ACAD11: variants seen among roughly 807,000 people sequenced by gnomAD.
ACAD11 encodes the protein acyl-Coenzyme A dehydrogenase family, member 11.
A neutral mutation model predicts 102.2 loss-of-function variants in ACAD11; 83 were observed. The observed-to-expected ratio is 0.81, with a 90% CI of 0.68 to 0.97. The LOEUF is 0.97. ACAD11 is among the 50% of genes least tolerant of loss of function. The pLI, the probability that ACAD11 is intolerant of heterozygous loss-of-function variation, is 0.00. For synonymous variants in ACAD11, 324 were observed against 319.8 expected (o/e 1.01, Z -0.14); for missense variants, 901 against 951.7 (o/e 0.95, Z 0.70).
intron 1 of ACAD11, chr3:132,645,909 C>T (rs2107891773): frequency 6.6e-6 from 1 of 152,316 alleles, no homozygotes; most frequent in Middle Eastern, 3.4e-3. Flanking sequence ...AATAGGACCA[C>T]CACAGGCTAT....
At chr3:132,577,660 C>G (rs1219741368) in intron 15 of ACAD11, among the ~76,000 whole-genome samples, 1 of 152,128 alleles carries the variant, frequency 6.6e-6, no homozygotes, top group Non-Finnish European at 1.5e-5. Flanking sequence ...TTCTCCCTGC[C>G]AAGTTTTAGA....
intron 5 of ACAD11, among the ~76,000 whole-genome samples, chr3:132,634,386 C>T (rs1371828306): frequency 3.3e-5 from 5 of 152,028 alleles, no homozygotes; most frequent in South Asian, 4.1e-4. Flanking sequence ...GAATGGCGAT[C>T]ATTAAAAAGT....
chr3:132,656,243 G>A (rs1357655893), intron 1 of ACAD11, among the ~76,000 whole-genome samples: 1 of 152,078 alleles, frequency 6.6e-6, no homozygotes, highest in East Asian at 1.9e-4. Context: ...TAGACATTGT[G>A]TTGTTTCCTG....
At chr3:132,575,494 T>C (rs1295977792) in intron 17 of ACAD11, among the ~76,000 whole-genome samples, 1 of 152,196 alleles carries the variant, frequency 6.6e-6, no homozygotes, top group Non-Finnish European at 1.5e-5. Context: ...GGAGCTCTAA[T>C]GTTCCAGGTT....
intron 1 of ACAD11, among the ~76,000 whole-genome samples, chr3:132,652,946 C>CA (rs1348043986): frequency 6.6e-6 from 1 of 152,148 alleles, no homozygotes; most frequent in East Asian, 1.9e-4. Context: ...TCAGGTACTA[C>CA]AACAGTAAGA....
intron 1 of ACAD11, among the ~76,000 whole-genome samples, chr3:132,659,151 C>T (rs538827766): frequency 6.6e-6 from 1 of 152,302 alleles, no homozygotes; most frequent in Non-Finnish European, 1.5e-5. Context: ...CTGTGACCTC[C>T]TAAGTGGAAA....
At chr3:132,647,961 A>ACACTAATC (rs1174985965) in intron 1 of ACAD11, among the ~76,000 whole-genome samples, 1 of 152,086 alleles carries the variant, frequency 6.6e-6, no homozygotes, top group Non-Finnish European at 1.5e-5. Context: ...CTCTTTTATA[A>ACACTAATC]CACTAATCCC....
intron 1 of ACAD11, among the ~76,000 whole-genome samples, chr3:132,653,622 C>T (rs547638288): frequency 5.4e-5 from 8 of 148,798 alleles, no homozygotes; most frequent in African/African-American, 1.5e-4. Flanking sequence ...TATTTCCTTT[C>T]GTAGAAAAAC....
chr3:132,632,552 G>C (rs1940091687), intron 5 of ACAD11, among the ~76,000 whole-genome samples: 2 of 152,160 alleles, frequency 1.3e-5, no homozygotes, highest in Admixed American at 6.5e-5. Context: ...AATTGACTTG[G>C]CAATGCGGGC....
At chr3:132,571,328 T>C (rs1431736027) in intron 17 of ACAD11, among the ~76,000 whole-genome samples, 2 of 151,770 alleles carry the variant, frequency 1.3e-5, no homozygotes, top group African/African-American at 4.8e-5. Context: ...TTCATGTCTT[T>C]GGCCTACTTT....
In ACAD11 at chr3:132,561,217, C is replaced by T. The variant is rs1270010421; in HGVS notation, c.2002G>A (p.Glu668Lys). The T allele has an allele frequency of 1.2e-6, 2 of 1,611,576 alleles. No individual in the cohort carries two copies. The highest frequency in any genetic ancestry group is 2.2e-5 in the South Asian group (2 of 91,032). Reference sequence around the variant, plus strand: ...TCAGCAATCCAGTGAGCCACAACCTCCTATAGGGGAGGAAAAGGCAGCAAA... The same window carrying T: ...TCAGCAATCCAGTGAGCCACAACCTTCTATAGGGGAGGAAAAGGCAGCAAA... ...IAFKKKLYAH[E>K]VVAHWIAESR... Residue 668 changes from glutamate (E) to lysine (K), a missense_variant and splice_region_variant, in exon 18 of 20, where the codon GAG becomes AAG. By Grantham distance (56) the Glu-to-Lys change is moderately conservative (BLOSUM62 1). Coordinates refer to ENST00000264990, the MANE Select transcript of ACAD11 (RefSeq NM_032169.5).
chr3:132,629,545 G>C (rs1304317930), intron 7 of ACAD11, among the ~76,000 whole-genome samples: 2 of 152,094 alleles, frequency 1.3e-5, no homozygotes, highest in Non-Finnish European at 2.9e-5. Flanking sequence ...AGCCTATTTG[G>C]TATCTTATTT....
intron 1 of ACAD11, chr3:132,647,376 G>A (rs1940754195): frequency 6.6e-6 from 1 of 152,168 alleles, no homozygotes; most frequent in Non-Finnish European, 1.5e-5. Context: ...GAAATGTGTT[G>A]ATCTATAACC....
At chr3:132,651,148 C>T (rs1940918967) in intron 1 of ACAD11, among the ~76,000 whole-genome samples, 1 of 152,168 alleles carries the variant, frequency 6.6e-6, no homozygotes, top group South Asian at 2.1e-4. Flanking sequence ...GAGTCTGTAT[C>T]CTTCCTGAAA....
intron 1 of ACAD11, among the ~76,000 whole-genome samples, chr3:132,656,003 C>T (rs749372183): frequency 2.6e-5 from 4 of 152,152 alleles, no homozygotes; most frequent in African/African-American, 4.8e-5. Context: ...TTTCACTACC[C>T]GGAGAAAATT....
intron 11 of ACAD11, among the ~76,000 whole-genome samples, chr3:132,611,382 A>G (rs879476173): frequency 1.1e-4 from 17 of 151,834 alleles, no homozygotes; most frequent in Non-Finnish European, 1.6e-4. Context: ...AGGGCAATCA[A>G]GCAGGAGAAG....
intron 13 of ACAD11, among the ~76,000 whole-genome samples, chr3:132,580,490 G>C (rs1006336916): frequency 2.0e-5 from 3 of 151,972 alleles, no homozygotes; most frequent in Admixed American, 6.6e-5. Context: ...TCAAAAGAGA[G>C]AGACCTAAAA....
In ACAD11 at chr3:132,607,727, C is replaced by G. The variant is rs138285882; in HGVS notation, c.1415-2522G>C. Among the ~76,000 whole-genome samples the G allele has an allele frequency of 6.6e-4, 100 of 152,156 alleles. No individual in the cohort carries two copies. In the East Asian group the frequency reaches 0.015, roughly 22 times the overall value. ...CAGGATATTATCCAGGAGAACTTCC[C>G]CAACCTAGAAAGAGAGGCCAACATT... On this transcript the variant is annotated intron_variant, in intron 11 of 19. Transcript: ENST00000264990.
At chr3:132,621,110 A>G (rs1185652037) in intron 9 of ACAD11, 1 of 152,180 alleles carries the variant, frequency 6.6e-6, no homozygotes, top group Non-Finnish European at 1.5e-5. Flanking sequence ...ATAAAGAGAG[A>G]GGCAATATTT....
Sources: allele counts gnomAD v4.1 joint callset (sites outside exome capture counted in the v4.1 genomes callset), GRCh38; gene constraint gnomAD v4.1.1; transcripts MANE v1.5; gene names NCBI Gene and HGNC (gene_info 2026-07-23, HGNC 2026-07-21).